NAT10: variants seen among roughly 807,000 people sequenced by gnomAD.
NAT10 encodes RNA cytidine acetyltransferase.
NAT10 carries 109 observed loss-of-function variants against 132.2 expected under a neutral mutation model. The ratio of observed to expected loss-of-function variants is 0.82; its 90% confidence interval spans 0.71 to 0.97. The LOEUF (loss-of-function observed/expected upper bound fraction) is 0.97, where lower values mean the gene tolerates loss of function less well. Ranked by LOEUF, NAT10 falls within the 50% of genes least tolerant of loss-of-function variation. The probability of loss-of-function intolerance (pLI) is 0.00; values close to 1 mark genes in which losing one functional copy is unlikely to be tolerated. For missense variants in NAT10, 1,184 were observed against 1,263.4 expected (o/e 0.94, Z 0.95); for synonymous variants, 479 against 478.0 (o/e 1.00, Z -0.03).
intron 4 of NAT10, among the ~76,000 whole-genome samples, chr11:34,112,665 G>T (rs1364052320): frequency 1.3e-5 from 2 of 152,088 alleles, no homozygotes; most frequent in Non-Finnish European, 2.9e-5. Context: ...CACCATGAAG[G>T]CCCCTCTCCC....
At chr11:34,135,053 C>G in intron 18 of NAT10, 122 bp from the exon 19 acceptor site, 1 of 745,390 alleles carries the variant, frequency 1.3e-6, no homozygotes, top group Non-Finnish European at 2.3e-6. Flanking sequence ...CATTGGTTCT[C>G]TTGCCCCGTG....
chr11:34,140,295 C>A, intron 23 of NAT10, 105 bp from the exon 24 acceptor site: 2 of 1,082,378 alleles, frequency 1.8e-6, no homozygotes, highest in African/African-American at 1.6e-5. Flanking sequence ...GGCTGCCAGG[C>A]CCTGTTAGAT....
rs1445393998 is a variant in NAT10 at position 34,112,105 on chromosome 11, T to A, written c.254T>A (p.Leu85Gln). 1 of 1,614,058 alleles carries A rather than the reference T, an allele frequency of 6.2e-7. No individual in the cohort carries two copies. Residue 85 changes from leucine to glutamine, a missense_variant, in exon 4 of 29, where the codon CTG (leucine) becomes CAG (glutamine). Leu to Gln is a moderately radical substitution (Grantham distance 113). Transcript: ENST00000257829. ...CAGAAGAAAATAAAGAATGGAACACTGAACATAAAGCAGGACGACCCCTTT... is the reference window on the plus strand; with the variant it reads ...CAGAAGAAAATAAAGAATGGAACACAGAACATAAAGCAGGACGACCCCTTT... ...QLQKKIKNGT[L>Q]NIKQDDPFEL... is the part of the protein sequence containing the mutation.
chr11:34,105,687 G>C lies in NAT10; in HGVS notation c.-121G>C, dbSNP rs940181558. The C allele has an allele frequency of 1.3e-5, 2 of 152,330 alleles. No homozygotes were observed. The highest frequency in any genetic ancestry group is 4.8e-5 in the African/African-American group (2 of 41,470). 9.4% of individuals were successfully genotyped at this position (152,330 alleles called of 1,614,324 possible). ...GCTTACTACGTGACCCGGACACCAGGCATACGCTAGGGGCAGTCAGCTGTG... is the reference window on the plus strand; with the variant it reads ...GCTTACTACGTGACCCGGACACCAGCCATACGCTAGGGGCAGTCAGCTGTG... On this transcript the variant is annotated 5_prime_UTR_variant, in exon 1 of 29. Transcript: ENST00000257829.
At position 34,146,258 on chromosome 11, in the gene NAT10, G is replaced by A. The variant is rs768205688; in HGVS notation, c.*66G>A. The A allele has an allele frequency of 1.5e-5, 19 of 1,248,274 alleles. No individual in the cohort carries two copies. Among genetic ancestry groups the A allele is most frequent in the African/African-American group, 3.0e-5 (2 of 65,698 alleles). 77.3% of individuals were successfully genotyped at this position (1,248,274 alleles called of 1,614,324 possible). A position where few individuals can be genotyped will look rare whatever the true frequency, so the allele number is the denominator to read the frequency against. ...TACTCTCACTAACTGAACCCTCTCT[G>A]GCTGGACTGTTAAAAGCAACGAGAG... On this transcript the variant is annotated 3_prime_UTR_variant, in exon 29 of 29. Transcript: ENST00000257829.
At position 34,131,496 on chromosome 11, in the gene NAT10, A is replaced by G. The variant is rs779923293; in HGVS notation, c.1485A>G (p.Ile495Met). 20 of 1,613,934 alleles carry G rather than the reference A, an allele frequency of 1.2e-5. No individual in the cohort carries two copies. In the African/African-American group the frequency reaches 2.0e-4, roughly 16 times the overall value. Residue 495 changes from isoleucine to methionine, a missense_variant, in exon 14 of 29, where the codon ATA becomes ATG. Coordinates refer to ENST00000257829, the MANE Select transcript of NAT10 (RefSeq NM_024662.3). ...LCLDCLNITRIVSGCPLPEAC... is the reference protein window; with the variant it reads ...LCLDCLNITRMVSGCPLPEAC... ...TGGATTGCCTCAACATCACTCGGAT[A>G]GTCTCAGGCTGCCCCTTGCCTGAAG...
In NAT10 at chr11:34,108,194, A is replaced by C. The variant is rs2134150025; in HGVS notation, c.-15-17A>C. ...CAATCTAGTGCGCATGGCCAGTTGTATTTCTTTCTCTTTTAGTAATAATTT... is the reference window on the plus strand; with the variant it reads ...CAATCTAGTGCGCATGGCCAGTTGTCTTTCTTTCTCTTTTAGTAATAATTT... On this transcript the variant is annotated splice_polypyrimidine_tract_variant and intron_variant, in intron 1 of 28. Transcript: ENST00000257829. 1.3e-6 allele frequency: 2 copies of C among 1,568,342 alleles called. No individual in the cohort carries two copies. Among genetic ancestry groups the C allele is most frequent in the Non-Finnish European group, 1.8e-6 (2 of 1,138,648 alleles).
At chr11:34,111,465 C>G (rs1049486113) in intron 3 of NAT10, among the ~76,000 whole-genome samples, 1 of 152,220 alleles carries the variant, frequency 6.6e-6, no homozygotes, top group South Asian at 2.1e-4. Flanking sequence ...TAAGTAGCAA[C>G]TGGATATGCA....
At chr11:34,137,261 G>A (rs776015872) in intron 21 of NAT10, among the ~76,000 whole-genome samples, 5 of 152,190 alleles carry the variant, frequency 3.3e-5, no homozygotes, top group Non-Finnish European at 7.4e-5. Flanking sequence ...GTCATAAAAT[G>A]GCAGAGGTAC....
At chr11:34,109,251 C>G (rs531689285) in intron 3 of NAT10, among the ~76,000 whole-genome samples, 2 of 152,294 alleles carry the variant, frequency 1.3e-5, no homozygotes, top group South Asian at 4.1e-4. Context: ...TCACCTCTTT[C>G]AGGACCTGTA....
chr11:34,138,899 C>T (rs191177372), intron 21 of NAT10: 173 of 366,782 alleles, frequency 4.7e-4, no homozygotes, highest in Non-Finnish European at 7.8e-4. Context: ...CCCTCCCGCA[C>T]GTCCCGAGCA....
chr11:34,134,529 T>C lies in NAT10; in HGVS notation c.1854T>C (p.Phe618=), dbSNP rs1041556610. The C allele has an allele frequency of 1.9e-6, 3 of 1,614,190 alleles. No homozygotes were observed. Among genetic ancestry groups the C allele is most frequent in the East Asian group, 4.5e-5 (2 of 44,878 alleles). Residue 618 remains phenylalanine, a synonymous_variant, in exon 18 of 29, where the codon TTT becomes TTC. Transcript: ENST00000257829. ...CCACACAGTTCCAAGATCCAGACTT[T>C]GGTGGTCTGTCTGGTGGAAGGGTCG... ...TVSEQFQDPD[F]GGLSGGRVVR...
At chr11:34,145,245 A>G (rs1484950754) in intron 28 of NAT10, among the ~76,000 whole-genome samples, 1 of 152,262 alleles carries the variant, frequency 6.6e-6, no homozygotes, top group Non-Finnish European at 1.5e-5. Context: ...CTCGAGCCCA[A>G]CAAACCAGTG....
intron 26 of NAT10, 59 bp downstream of exon 26, chr11:34,141,876 T>C: frequency 7.1e-7 from 1 of 1,401,630 alleles, no homozygotes; most frequent in Non-Finnish European, 1.0e-6. Context: ...CCTTAGGCTG[T>C]GAATTCAGAC....
chr11:34,143,529 G>T lies in NAT10; in HGVS notation c.2969+1G>T. 1 of 1,613,744 alleles carries T rather than the reference G, an allele frequency of 6.2e-7. No individual in the cohort carries two copies. The highest frequency in any genetic ancestry group is 8.5e-7 in the Non-Finnish European group (1 of 1,179,842). ...ACGCCTCGATCATCAGCCTGAAAAG[G>T]TGAGGGCCCAGGGTCTGATGTGCAT... is the stretch of plus-strand genomic sequence containing the variant. On this transcript the variant is annotated splice_donor_variant, in intron 28 of 28. Coordinates refer to ENST00000257829, the MANE Select transcript of NAT10 (RefSeq NM_024662.3). LOFTEE classifies it high-confidence loss of function.
chr11:34,138,646 C>G (rs17701015), intron 21 of NAT10, among the ~76,000 whole-genome samples: 12,604 of 152,086 alleles, frequency 0.083, 539 homozygotes, highest in Non-Finnish European at 0.092. Context: ...GTGCACTGTT[C>G]ATTTGTGACT....
chr11:34,122,341 A>G lies in NAT10; in HGVS notation c.781-118A>G. 1.7e-5 allele frequency: 23 copies of G among 1,343,854 alleles called. No individual in the cohort carries two copies. The South Asian group carries it at 2.9e-4, about 17-fold the overall frequency. 83.2% of individuals were successfully genotyped at this position (1,343,854 alleles called of 1,614,324 possible). A position where few individuals can be genotyped will look rare whatever the true frequency, so the allele number is the denominator to read the frequency against. The stretch of plus-strand genomic sequence containing the variant: ...GCTGAGCAGTGCTTTCTGGCCTGCA[A>G]GAACTGCCGCCCTCTTATTTAGCCT... On this transcript the variant is annotated intron_variant, in intron 8 of 28. Transcript: ENST00000257829.
chr11:34,120,974 A>G (rs1851881919), intron 8 of NAT10, among the ~76,000 whole-genome samples: 2 of 152,120 alleles, frequency 1.3e-5, no homozygotes, highest in African/African-American at 4.8e-5. Flanking sequence ...CAGCATGTGC[A>G]TGGGCCTGGG....
chr11:34,140,897 T>G (rs1240853449), intron 24 of NAT10, among the ~76,000 whole-genome samples, 192 bp from the exon 25 acceptor site: 2 of 151,716 alleles, frequency 1.3e-5, no homozygotes, highest in African/African-American at 4.8e-5. Context: ...AAAAGTTACT[T>G]TGGGGATTTT....
Sources: gnomAD v4.1 joint callset for allele counts (sites outside exome capture counted in the v4.1 genomes callset) on GRCh38, gnomAD v4.1.1 for gene constraint, MANE v1.5 for transcripts, NCBI Gene and HGNC (gene_info 2026-07-23, HGNC 2026-07-21) for gene names.